MLX: variants seen among roughly 807,000 people sequenced by gnomAD.
The protein encoded by MLX is max-like protein X.
Under a neutral mutation model 33.0 loss-of-function variants are expected in MLX, and 15 were observed. The observed-to-expected ratio is 0.45, with a 90% CI of 0.30 to 0.70. The LOEUF is 0.70. MLX is among the 30% of genes least tolerant of loss of function. The probability of loss-of-function intolerance (pLI) is 0.07; values close to 1 mark genes in which losing one functional copy is unlikely to be tolerated. For missense variants in MLX, 285 were observed against 306.3 expected (o/e 0.93, Z 0.52); for synonymous variants, 115 against 115.6 (o/e 0.99, Z 0.03).
chr17:42,567,919 C>T (rs2093015383), intron 2 of MLX: 2 of 561,830 alleles, frequency 3.6e-6, no homozygotes, highest in South Asian at 4.5e-5. Context: ...ATCACGTCCA[C>T]ATGCCCGTTT....
Position 42,568,845 on chromosome 17 carries a change from G to A in MLX, c.178G>A (p.Asp60Asn). Residue 60 changes from aspartate (D) to asparagine (N), a missense_variant, in exon 4 of 8, where the codon GAC becomes AAC. Coordinates refer to ENST00000435881, the MANE Select transcript of MLX (RefSeq NM_198204.2). ...CCCATCTCTGAGCGTAGATGATGAG[G>A]ACAGTGATTACCACCAGGAGGCCTA... ...ASSVPNTDDEDSDYHQEAYKE... is the reference protein window; with the variant it reads ...ASSVPNTDDENSDYHQEAYKE... 1.2e-6 allele frequency: 2 copies of A among 1,608,306 alleles called. No homozygotes were observed. Among genetic ancestry groups the A allele is most frequent in the Non-Finnish European group, 1.7e-6 (2 of 1,177,030 alleles).
rs1447199560 is a variant in MLX, at chr17:42,572,635, A to G, written c.*1032A>G. ...GCCTTCCTCAGGTTTGATATCTGGC[A>G]GGTTTGACTATCCAGAGGAAATTAA... On this transcript the variant is annotated 3_prime_UTR_variant, in exon 8 of 8. Transcript: ENST00000435881. 1 of 445,804 alleles carries G rather than the reference A, an allele frequency of 2.2e-6. No homozygotes were observed. The highest frequency in any genetic ancestry group is 7.0e-5 in the East Asian group (1 of 14,348). The allele number at this position is 445,804 out of a possible 1,614,324, so 27.6% of individuals were successfully genotyped here.
At chr17:42,569,907 A>G in intron 6 of MLX, 75 bp from the exon 7 acceptor site, 1 of 1,399,896 alleles carries the variant, frequency 7.1e-7, no homozygotes, top group Non-Finnish European at 1.0e-6. Context: ...CTGGGAGTAC[A>G]CAGGATAGTC....
rs772402352 is a variant in MLX, at chr17:42,573,147, G to GCAT, written c.*1547_*1549dup. 6.2e-7 allele frequency: 1 copy of GCAT among 1,614,226 alleles called. No individual in the cohort carries two copies. The highest frequency in any genetic ancestry group is 8.5e-7 in the Non-Finnish European group (1 of 1,180,040). ...GCTCTTGGGGTATCCTTCAAGTATT[G>GCAT]CATCAGACAGCTCTGTAGCCTGACA... is the stretch of plus-strand genomic sequence containing the variant. On this transcript the variant is annotated 3_prime_UTR_variant, in exon 8 of 8. Transcript: ENST00000435881.
At position 42,571,522 on chromosome 17, in the gene MLX, T is replaced by A. The variant is rs779190584; in HGVS notation, c.679-25T>A. The A allele has an allele frequency of 1.2e-5, 20 of 1,613,442 alleles. No individual in the cohort carries two copies. The Admixed American group carries it at 2.3e-4, about 19-fold the overall frequency. ...TCTGCGTTGACTTGGGCATTGTCTA[T>A]TTCTTCCTCTGCTGCCCTCGCCAGA... is the stretch of plus-strand genomic sequence containing the variant. On this transcript the variant is annotated intron_variant, in intron 7 of 7. Coordinates refer to ENST00000435881, the MANE Select transcript of MLX (RefSeq NM_198204.2).
Position 42,573,058 on chromosome 17 carries a change from A to G in MLX, c.*1455A>G, listed in dbSNP as rs2093045688. The G allele has an allele frequency of 1.2e-6, 2 of 1,614,024 alleles. No homozygotes were observed. Among genetic ancestry groups the G allele is most frequent in the African/African-American group, 2.7e-5 (2 of 74,944 alleles). ...CAGGGAGACAAGTGAATGAGATGTC[A>G]CCAGGATAAGACCACAGGGAAGCAA... is the stretch of plus-strand genomic sequence containing the variant. On this transcript the variant is annotated 3_prime_UTR_variant, in exon 8 of 8. Coordinates refer to ENST00000435881, the MANE Select transcript of MLX (RefSeq NM_198204.2).
chr17:42,570,769 C>T (rs1401499552), intron 7 of MLX, among the ~76,000 whole-genome samples: 1 of 152,116 alleles, frequency 6.6e-6, no homozygotes, highest in Non-Finnish European at 1.5e-5. Flanking sequence ...CATTCTCCTG[C>T]CTCAGCCTCC....
At chr17:42,568,979 A>T in intron 4 of MLX, 36 bp downstream of exon 4, 1 of 1,570,850 alleles carries the variant, frequency 6.4e-7, no homozygotes, top group East Asian at 2.3e-5. Context: ...CCAGTGCGGG[A>T]GGGCCCTGCA....
Position 42,571,593 on chromosome 17 carries a change from A to G in MLX, c.725A>G (p.Gln242Arg), listed in dbSNP as rs1460465255. 6.2e-7 allele frequency: 1 copy of G among 1,614,016 alleles called. No individual in the cohort carries two copies. Among genetic ancestry groups the G allele is most frequent in the African/African-American group, 1.3e-5 (1 of 74,904 alleles). The stretch of plus-strand genomic sequence containing the variant: ...GGCGTCCTGCACCAATTGAAAAACC[A>G]GCTTTACTGACCGGTTCTTGGAAAC... Reference protein sequence around the residue: ...VIGVLHQLKNQLY With the variant: ...VIGVLHQLKNRLY Residue 242 changes from glutamine (Q) to arginine (R), a missense_variant, in exon 8 of 8, where the codon CAG becomes CGG. Physicochemically the swap from Gln to Arg is conservative, Grantham distance 43. Coordinates refer to ENST00000435881, the MANE Select transcript of MLX (RefSeq NM_198204.2).
chr17:42,567,474 A>G, intron 1 of MLX, 145 bp from the exon 2 acceptor site: 1 of 1,438,468 alleles, frequency 7.0e-7, no homozygotes, highest in South Asian at 1.3e-5. Flanking sequence ...CTGCCCGCGC[A>G]CCCCGGGCTG....
chr17:42,567,307 C>T (rs1459377578), intron 1 of MLX, 141 bp downstream of exon 1: 2 of 1,388,378 alleles, frequency 1.4e-6, no homozygotes, highest in East Asian at 2.7e-5. Context: ...GAGAAGACAG[C>T]TCTCACCCCG....
intron 1 of MLX, 81 bp from the exon 2 acceptor site, chr17:42,567,538 G>A (rs1597717697): frequency 1.4e-5 from 23 of 1,600,836 alleles, no homozygotes; most frequent in Admixed American, 1.7e-5. Context: ...TGGGGGGCGC[G>A]CTGTGCGTGC....
At chr17:42,567,312 A>G (rs2093012068) in intron 1 of MLX, 146 bp downstream of exon 1, 7 of 1,388,112 alleles carry the variant, frequency 5.0e-6, no homozygotes, top group Non-Finnish European at 6.6e-6. Context: ...GACAGCTCTC[A>G]CCCCGCGTGT....
At chr17:42,571,138 CTTT>C (rs928314305) in intron 7 of MLX, among the ~76,000 whole-genome samples, 8 of 130,406 alleles carry the variant, frequency 6.1e-5, no homozygotes, top group East Asian at 4.4e-4. Context: ...TTCCTGGGGG[CTTT>C]TTTTTTTTTT....
In MLX at chr17:42,572,918, C is replaced by T; in HGVS notation, c.*1315C>T. The T allele has an allele frequency of 1.2e-6, 2 of 1,600,110 alleles. No homozygotes were observed. Among genetic ancestry groups the T allele is most frequent in the South Asian group, 1.1e-5 (1 of 90,704 alleles). On this transcript the variant is annotated 3_prime_UTR_variant, in exon 8 of 8. Coordinates refer to ENST00000435881, the MANE Select transcript of MLX (RefSeq NM_198204.2). ...AAACAAGGTAGCCAGTGCAAGACAT[C>T]TCACTCTTCTGACATCCTGCAGTCC... is the stretch of plus-strand genomic sequence containing the variant.
At chr17:42,570,300 C>T (rs1029518024) in intron 7 of MLX, 117 bp downstream of exon 7, 9 of 964,876 alleles carry the variant, frequency 9.3e-6, no homozygotes, top group Non-Finnish European at 1.4e-5. Flanking sequence ...AAGGGCGTTT[C>T]TACAGCTTTG....
intron 2 of MLX, 81 bp downstream of exon 2, chr17:42,567,736 C>A: frequency 1.9e-6 from 3 of 1,580,950 alleles, no homozygotes; most frequent in South Asian, 2.2e-5. Context: ...GCCAACCACG[C>A]CTGAGCACAG....
Position 42,568,872 on chromosome 17 carries a change from A to G in MLX, c.205A>G (p.Lys69Glu). ...CAGTGATTACCACCAGGAGGCCTAC[A>G]AGGAGTCCTACAAAGACCGGCGGCG... ...EDSDYHQEAYKESYKDRRRRA... is the reference protein window; with the variant it reads ...EDSDYHQEAYEESYKDRRRRA... The change falls in exon 4 of 8, where the codon AAG becomes GAG. Residue 69 changes from lysine (K) to glutamate (E), a missense_variant. By Grantham distance (56) the Lys-to-Glu change is moderately conservative (BLOSUM62 1). Transcript: ENST00000435881. The G allele has an allele frequency of 3.1e-6, 5 of 1,611,706 alleles. No individual in the cohort carries two copies. Among genetic ancestry groups the G allele is most frequent in the Non-Finnish European group, 4.2e-6 (5 of 1,178,808 alleles).
At position 42,572,200 on chromosome 17, in the gene MLX, C is replaced by T. The variant is rs2093036590; in HGVS notation, c.*597C>T. The T allele has an allele frequency of 5.6e-6, 2 of 358,218 alleles. No individual in the cohort carries two copies. The highest frequency in any genetic ancestry group is 4.3e-5 in the African/African-American group (2 of 46,722). The allele number at this position is 358,218 out of a possible 1,614,324, so 22.2% of individuals were successfully genotyped here. Reference sequence around the variant, plus strand: ...CAGGGAGGGGCCACCAGGTTCCTCCCCTCACCCCATATTCCATCACCTTCC... The same window carrying T: ...CAGGGAGGGGCCACCAGGTTCCTCCTCTCACCCCATATTCCATCACCTTCC... On this transcript the variant is annotated 3_prime_UTR_variant, in exon 8 of 8. Transcript: ENST00000435881.
Sources: gnomAD v4.1 joint callset for allele counts (sites outside exome capture counted in the v4.1 genomes callset) on GRCh38, gnomAD v4.1.1 for gene constraint, MANE v1.5 for transcripts, NCBI Gene and HGNC (gene_info 2026-07-23, HGNC 2026-07-21) for gene names.